Variants in SLC6A16 observed in about 807,000 individuals in gnomAD.
SLC6A16 encodes the protein orphan sodium- and chloride-dependent neurotransmitter transporter NTT5.
SLC6A16 carries 54 observed loss-of-function variants against 65.4 expected under a neutral mutation model. The observed-to-expected ratio is 0.83, with a 90% confidence interval of 0.66 to 1.04. SLC6A16 has a LOEUF of 1.04. Among genes scored for constraint, SLC6A16 ranks in the 50% least tolerant of loss-of-function variants. The pLI is 0.00. For missense variants in SLC6A16, 816 were observed against 914.0 expected, an observed-to-expected ratio of 0.89 and a Z score of 1.38; for synonymous variants, 330 against 346.5, an observed-to-expected ratio of 0.95 and a Z score of 0.53.
At chr19:49,293,453 T>C (rs893811462) in intron 9 of SLC6A16, 71 bp from the exon 10 acceptor site, 9 of 1,489,488 alleles carry the variant, frequency 6.0e-6, no homozygotes, top group African/African-American at 2.8e-5. Flanking sequence ...GTAGAGGCCA[T>C]AGACCAGGGC....
At position 49,309,795 on chromosome 19, in the gene SLC6A16, T is replaced by C; in HGVS notation, c.732A>G (p.Ile244Met). 1 of 1,613,696 alleles carries C rather than the reference T, an allele frequency of 6.2e-7. No individual in the cohort carries two copies. The highest frequency in any genetic ancestry group is 1.3e-5 in the African/African-American group (1 of 75,002). ...TCAAGGCCTGCTGGTACCAGAAGTA[T>C]ATGGAGGGTGTTGTCCGTTCACATT... ...DPECERTTPS[I>M]YFWYQQALKA... Residue 244 changes from isoleucine to methionine, a missense_variant, in exon 5 of 12, where the codon ATA (isoleucine) becomes ATG (methionine). By Grantham distance (10) the Ile-to-Met change is conservative (BLOSUM62 1). Coordinates refer to ENST00000335875, the MANE Select transcript of SLC6A16 (RefSeq NM_014037.3).
At position 49,294,013 on chromosome 19, in the gene SLC6A16, T is replaced by C. The variant is rs894418487; in HGVS notation, c.1432A>G (p.Lys478Glu). 6.2e-7 allele frequency: 1 copy of C among 1,611,686 alleles called. No homozygotes were observed. Among genetic ancestry groups the C allele is most frequent in the African/African-American group, 1.3e-5 (1 of 74,830 alleles). ...TCAACAAAGGACAGGAATGCAAACT[T>C]TGGGCCCTCGCTAGCCTGCAAAGAG... ...TQFLKASEGP[K>E]FAFLSFVEAM... The change falls in exon 9 of 12, where the codon AAG becomes GAG. Residue 478 changes from lysine to glutamate, a missense_variant. Transcript: ENST00000335875.
intron 7 of SLC6A16, among the ~76,000 whole-genome samples, chr19:49,305,192 A>G (rs932425215): frequency 2.0e-5 from 3 of 152,214 alleles, no homozygotes; most frequent in Non-Finnish European, 2.9e-5. Flanking sequence ...TACCATGTGA[A>G]GAAGACCAAA....
At chr19:49,322,260 A>G (rs1970723988) in intron 1 of SLC6A16, among the ~76,000 whole-genome samples, 1 of 152,216 alleles carries the variant, frequency 6.6e-6, no homozygotes, top group Admixed American at 6.5e-5. Flanking sequence ...ACTCAGTTGC[A>G]TTTTTATACA....
intron 11 of SLC6A16, 55 bp downstream of exon 11, chr19:49,290,550 T>C: frequency 5.0e-6 from 8 of 1,595,240 alleles, no homozygotes; most frequent in Middle Eastern, 1.7e-4. Flanking sequence ...CCAGAGTGAA[T>C]TGAAAGGTCT....
chr19:49,319,289 A>T (rs1360484988), intron 1 of SLC6A16, among the ~76,000 whole-genome samples: 1 of 152,066 alleles, frequency 6.6e-6, no homozygotes, highest in Non-Finnish European at 1.5e-5. Flanking sequence ...ATTTTCCAAC[A>T]AGCCAGATGC....
chr19:49,310,577 C>G, intron 2 of SLC6A16, 67 bp from the exon 3 acceptor site: 1 of 1,571,898 alleles, frequency 6.4e-7, no homozygotes, highest in Admixed American at 1.7e-5. Flanking sequence ...CTCCAGGAGC[C>G]CAGGAAAACA....
the SLC6A16 span, chr19:49,332,322 T>G: frequency 2.2e-6 from 1 of 455,478 alleles, no homozygotes; most frequent in South Asian, 1.5e-5. Context: ...TTTGGGAAGC[T>G]GAAGTGGGTG....
At chr19:49,297,927 G>C (rs1047597940) in intron 7 of SLC6A16, among the ~76,000 whole-genome samples, 5 of 152,032 alleles carry the variant, frequency 3.3e-5, no homozygotes, top group Non-Finnish European at 7.4e-5. Flanking sequence ...GATTAATTGG[G>C]GCCAGGAGTG....
At chr19:49,328,503 G>A (rs138485830), upstream of SLC6A16, among the ~76,000 whole-genome samples, 407 of 152,302 alleles carry the variant, frequency 2.7e-3, 1 homozygote, top group African/African-American at 9.2e-3. Context: ...CCAGTGAGGA[G>A]GAAATCTCTA....
the SLC6A16 span, chr19:49,338,570 GT>G: frequency 1.4e-6 from 1 of 698,930 alleles, no homozygotes; most frequent in Non-Finnish European, 2.5e-6. This position sits in a 1 kb window ranked among gnomAD's most constrained non-coding sequence, Gnocchi z 5.0. Context: ...CCAGCCCACT[GT>G]CCCCCACTCC....
chr19:49,336,541 G>A, the SLC6A16 span: 16 of 201,130 alleles, frequency 8.0e-5, no homozygotes, highest in East Asian at 2.0e-3. Context: ...CTGGGGGACA[G>A]AGCGAGGCTC....
chr19:49,335,038 G>C, the SLC6A16 span: 1 of 159,256 alleles, frequency 6.3e-6, no homozygotes, highest in African/African-American at 2.4e-5. The surrounding 1 kb of genome is among the most constrained non-coding windows in gnomAD (Gnocchi z 4.6). Context: ...CAAAGACCCA[G>C]AGAGGAGGAA....
chr19:49,320,986 A>G (rs1040850166), intron 1 of SLC6A16, among the ~76,000 whole-genome samples: 1 of 152,204 alleles, frequency 6.6e-6, no homozygotes, highest in South Asian at 2.1e-4. Flanking sequence ...ATTGGAGAGG[A>G]GGGAACACTT....
At chr19:49,339,360 CACA>C in the SLC6A16 span, 2 of 1,614,068 alleles carry the variant, frequency 1.2e-6, no homozygotes, top group Non-Finnish European at 1.7e-6. This position sits in a 1 kb window ranked among gnomAD's most constrained non-coding sequence, Gnocchi z 4.5. Flanking sequence ...GAAGTGGCTG[CACA>C]ACAACCTTAT....
chr19:49,328,365 T>A (rs1223211284), upstream of SLC6A16, among the ~76,000 whole-genome samples: 1 of 152,168 alleles, frequency 6.6e-6, no homozygotes, highest in Non-Finnish European at 1.5e-5. Context: ...ACCACCCCCA[T>A]GATTCAGTTA....
At chr19:49,308,460 A>AAAAAT (rs1970438901) in intron 7 of SLC6A16, among the ~76,000 whole-genome samples, 1 of 152,124 alleles carries the variant, frequency 6.6e-6, no homozygotes, top group African/African-American at 2.4e-5. Flanking sequence ...CTCAAAAAAT[A>AAAAAT]AAAATAAAAT....
intron 1 of SLC6A16, among the ~76,000 whole-genome samples, chr19:49,323,133 A>G (rs1178221576): frequency 6.6e-6 from 1 of 152,134 alleles, no homozygotes; most frequent in Non-Finnish European, 1.5e-5. Flanking sequence ...CAGTCTTTTC[A>G]ACAAATGGTG....
intron 7 of SLC6A16, among the ~76,000 whole-genome samples, chr19:49,297,099 T>G (rs1441912716): frequency 6.6e-6 from 1 of 152,172 alleles, no homozygotes; most frequent in African/African-American, 2.4e-5. Context: ...AAATTATGTC[T>G]TTTCATCAAA....
Sources: allele counts gnomAD v4.1 joint callset (sites outside exome capture counted in the v4.1 genomes callset), GRCh38; gene constraint gnomAD v4.1.1; non-coding constraint Gnocchi (gnomAD v3.1); transcripts MANE v1.5; gene names NCBI Gene and HGNC (gene_info 2026-07-23, HGNC 2026-07-21).